PLA2G2F: variants seen among roughly 807,000 people sequenced by gnomAD.
PLA2G2F encodes the protein phospholipase A2 group IIF.
PLA2G2F carries 17 observed loss-of-function variants against 15.9 expected under a neutral mutation model. The ratio of observed to expected loss-of-function variants is 1.07; its 90% CI spans 0.73 to 1.60. PLA2G2F has a LOEUF of 1.60. PLA2G2F is among the 40% of genes most tolerant of loss of function. The probability of loss-of-function intolerance (pLI) is 0.00; values close to 1 mark genes in which losing one functional copy is unlikely to be tolerated. For missense variants in PLA2G2F, 299 were observed against 278.2 expected (o/e 1.07, Z -0.53); for synonymous variants, 119 against 106.5 (o/e 1.12, Z -0.72).
intron 1 of PLA2G2F, 83 bp downstream of exon 1, chr1:20,139,626 T>C (rs1015125718): frequency 3.8e-6 from 4 of 1,064,866 alleles, no homozygotes; most frequent in Non-Finnish European, 5.3e-6. Context: ...AATCCCTTTC[T>C]CCTAAGAGTC....
chr1:20,143,693 C>T (rs2100693786), intron 3 of PLA2G2F, 103 bp downstream of exon 3: 1 of 1,393,598 alleles, frequency 7.2e-7, no homozygotes, highest in East Asian at 2.4e-5. Flanking sequence ...CCTTCTTTCC[C>T]CAAAGGATCC....
chr1:20,140,507 T>C, intron 2 of PLA2G2F: 1 of 410,402 alleles, frequency 2.4e-6, no homozygotes, highest in East Asian at 4.5e-5. Flanking sequence ...TGTGTACTAG[T>C]GTGTGTCCAT....
At chr1:20,140,950 G>A (rs1026239292) in intron 2 of PLA2G2F, 3 of 152,212 alleles carry the variant, frequency 2.0e-5, no homozygotes, top group Admixed American at 6.5e-5. Context: ...ATGGACCATT[G>A]GCTGGGCCTC....
chr1:20,145,736 A>G (rs1198953950), intron 4 of PLA2G2F, among the ~76,000 whole-genome samples: 2 of 151,920 alleles, frequency 1.3e-5, no homozygotes, highest in Admixed American at 6.6e-5. Flanking sequence ...CAGCCTCCCA[A>G]TTAGCTGGGA....
chr1:20,143,736 G>A (rs1011344095), intron 3 of PLA2G2F, 146 bp downstream of exon 3: 1 of 1,009,472 alleles, frequency 9.9e-7, no homozygotes, highest in South Asian at 1.7e-5. Context: ...CCAGAGCCTG[G>A]TCTTTGACTA....
chr1:20,140,276 G>A, intron 2 of PLA2G2F, 58 bp downstream of exon 2: 2 of 1,580,082 alleles, frequency 1.3e-6, no homozygotes, highest in Non-Finnish European at 1.7e-6. Context: ...TGTCTCCCGT[G>A]ACCTTGGGCG....
At chr1:20,145,750 C>G (rs1280781745) in intron 4 of PLA2G2F, among the ~76,000 whole-genome samples, 1 of 152,068 alleles carries the variant, frequency 6.6e-6, no homozygotes, top group Non-Finnish European at 1.5e-5. Flanking sequence ...GCTGGGATTA[C>G]AGGCCAGTGC....
chr1:20,145,969 T>A (rs910602023), intron 4 of PLA2G2F, among the ~76,000 whole-genome samples: 1 of 152,240 alleles, frequency 6.6e-6, no homozygotes, highest in Non-Finnish European at 1.5e-5. Context: ...TTGCTAAATC[T>A]GAATCTGACC....
chr1:20,145,351 G>A (rs992371151), intron 4 of PLA2G2F, among the ~76,000 whole-genome samples: 2 of 149,590 alleles, frequency 1.3e-5, no homozygotes, highest in Admixed American at 6.7e-5. Context: ...GCATGATCTC[G>A]GCTCACTACA....
chr1:20,140,658 C>A, intron 2 of PLA2G2F: 1 of 170,904 alleles, frequency 5.9e-6, no homozygotes, highest in South Asian at 1.5e-4. Context: ...AGTGCGAGCC[C>A]ATTTGTGTCT....
chr1:20,148,424 G>C lies in PLA2G2F; in HGVS notation c.*23G>C. On this transcript the variant is annotated 3_prime_UTR_variant, in exon 5 of 5. Coordinates refer to ENST00000375102, the MANE Select transcript of PLA2G2F (RefSeq NM_022819.4). Reference sequence around the variant, plus strand: ...TAGAGCCTCTGAGGTTTGAGAGAGAGAGCGGGAGGAGGGTCTGGCTTGGGG... The same window carrying C: ...TAGAGCCTCTGAGGTTTGAGAGAGACAGCGGGAGGAGGGTCTGGCTTGGGG... The C allele has an allele frequency of 6.3e-7, 1 of 1,586,278 alleles. No individual in the cohort carries two copies. Among genetic ancestry groups the C allele is most frequent in the Non-Finnish European group, 8.6e-7 (1 of 1,156,662 alleles).
At chr1:20,139,625 C>A in intron 1 of PLA2G2F, 82 bp downstream of exon 1, 1 of 1,084,154 alleles carries the variant, frequency 9.2e-7, no homozygotes, top group Non-Finnish European at 1.3e-6. Flanking sequence ...GAATCCCTTT[C>A]TCCTAAGAGT....
intron 3 of PLA2G2F, chr1:20,144,020 A>C: frequency 5.4e-6 from 1 of 183,786 alleles, no homozygotes; most frequent in Non-Finnish European, 1.1e-5. Context: ...TATCTCCCCA[A>C]CAGCAGGCAG....
rs1413855254 is a variant in PLA2G2F at position 20,148,285 on chromosome 1, C to G, written c.520C>G (p.Arg174Gly). ...LMNQTYREEY[R>G]GFLNVYCQGP... ...GAACCAGACGTACCGAGAGGAGTAC[C>G]GTGGCTTCCTCAATGTCTACTGCCA... The change falls in exon 5 of 5, where the codon CGT (arginine) becomes GGT (glycine). Residue 174 changes from arginine (R) to glycine (G), a missense_variant. By Grantham distance (125) the Arg-to-Gly change is moderately radical. Transcript: ENST00000375102. The G allele has an allele frequency of 3.1e-6, 5 of 1,613,932 alleles. No individual in the cohort carries two copies. Among genetic ancestry groups the G allele is most frequent in the African/African-American group, 1.3e-5 (1 of 74,870 alleles).
chr1:20,145,531 C>G (rs543844295), intron 4 of PLA2G2F, among the ~76,000 whole-genome samples: 1 of 152,136 alleles, frequency 6.6e-6, no homozygotes, highest in South Asian at 2.1e-4. Context: ...CCACCCACCT[C>G]GGCCTCCCAA....
rs541900385 is a variant in PLA2G2F at position 20,148,822 on chromosome 1, T to G, written c.*421T>G. The G allele has an allele frequency of 5.6e-6, 1 of 178,662 alleles. No homozygotes were observed. Among genetic ancestry groups the G allele is most frequent in the Non-Finnish European group, 1.2e-5 (1 of 83,792 alleles). 11.1% of individuals were successfully genotyped at this position (178,662 alleles called of 1,614,324 possible). On this transcript the variant is annotated 3_prime_UTR_variant, in exon 5 of 5. Coordinates refer to ENST00000375102, the MANE Select transcript of PLA2G2F (RefSeq NM_022819.4). Reference sequence around the variant, plus strand: ...AGCTGGATGCATCCTCGGCCCAAGATCACAGGAAGGCAGATTGCTGGTCAC... The same window carrying G: ...AGCTGGATGCATCCTCGGCCCAAGAGCACAGGAAGGCAGATTGCTGGTCAC...
chr1:20,144,558 A>T (rs369196971), intron 3 of PLA2G2F, 22 bp from the exon 4 acceptor site: 147 of 1,578,942 alleles, frequency 9.3e-5, no homozygotes, highest in African/African-American at 1.3e-4. Flanking sequence ...ATGCCTGTCC[A>T]CTCACCTCTG....
intron 1 of PLA2G2F, among the ~76,000 whole-genome samples, chr1:20,139,765 C>T (rs113865395): frequency 7.2e-5 from 11 of 152,318 alleles, no homozygotes; most frequent in African/African-American, 2.2e-4. Context: ...ATTTTGGAAG[C>T]GGTGCTGGGA....
In PLA2G2F at chr1:20,139,364, C is replaced by A; in HGVS notation, c.-64C>A. The A allele has an allele frequency of 1.5e-6, 2 of 1,292,400 alleles. No homozygotes were observed. Among genetic ancestry groups the A allele is most frequent in the Non-Finnish European group, 2.2e-6 (2 of 912,740 alleles). 80.1% of individuals were successfully genotyped at this position (1,292,400 alleles called of 1,614,324 possible). A position where few individuals can be genotyped will look rare whatever the true frequency, so the allele number is the denominator to read the frequency against. ...GCGTGAAGCTGGGGCCTGCTCCCCGCAGCCTCTGGAGCGCATCTCAGACCT... is the reference window on the plus strand; with the variant it reads ...GCGTGAAGCTGGGGCCTGCTCCCCGAAGCCTCTGGAGCGCATCTCAGACCT... On this transcript the variant is annotated 5_prime_UTR_variant, in exon 1 of 5. Coordinates refer to ENST00000375102, the MANE Select transcript of PLA2G2F (RefSeq NM_022819.4).
Sources: gnomAD v4.1 joint callset for allele counts (sites outside exome capture counted in the v4.1 genomes callset) on GRCh38, gnomAD v4.1.1 for gene constraint, MANE v1.5 for transcripts, NCBI Gene and HGNC (gene_info 2026-07-23, HGNC 2026-07-21) for gene names.